Variants in STK3 observed in about 807,000 individuals in gnomAD.
STK3 encodes the protein serine/threonine kinase 3, also known as serine/threonine-protein kinase 3.
A neutral mutation model predicts 58.0 loss-of-function variants in STK3; 41 were observed. That is an observed-to-expected ratio of 0.71 (90% CI 0.55 to 0.92). The LOEUF (loss-of-function observed/expected upper bound fraction) is 0.92. Ranked by LOEUF, STK3 falls within the 40% of genes least tolerant of loss-of-function variation. STK3 has a pLI of 0.00. For synonymous variants in STK3, 170 were observed against 191.0 expected (o/e 0.89, Z 0.91); for missense variants, 479 against 602.7 (o/e 0.79, Z 2.15).
intron 8 of STK3, 110 bp from the exon 9 acceptor site, chr8:98,548,271 A>C: frequency 1.3e-6 from 1 of 755,380 alleles, no homozygotes; most frequent in Non-Finnish European, 1.8e-6. Context: ...TAAAAATACT[A>C]TTAGTACTGA....
intron 6 of STK3, among the ~76,000 whole-genome samples, chr8:98,636,647 T>C (rs923612965): frequency 6.6e-6 from 1 of 152,164 alleles, no homozygotes; most frequent in East Asian, 1.9e-4. Flanking sequence ...ACTGGCAGTG[T>C]CCTATTACAA....
chr8:98,641,687 T>C (rs930745501), intron 6 of STK3, among the ~76,000 whole-genome samples: 2 of 152,200 alleles, frequency 1.3e-5, no homozygotes, highest in Admixed American at 6.5e-5. Context: ...ATGTCCTCAA[T>C]GCAACTTATC....
At chr8:98,413,866 G>T in intron 3 of STK3, 1 of 509,242 alleles carries the variant, frequency 2.0e-6, no homozygotes, top group South Asian at 1.9e-5. Context: ...GGTGTGTCAA[G>T]AGGGAGTTTT....
At chr8:98,350,812 G>T in the STK3 span, among the ~76,000 whole-genome samples, 5 of 152,084 alleles carry the variant, frequency 3.3e-5, no homozygotes, top group African/African-American at 1.2e-4. Flanking sequence ...TCTCCCACTG[G>T]GTCCCTCCCA....
At chr8:98,412,814 G>C (rs1404914377) in intron 3 of STK3, 1 of 158,434 alleles carries the variant, frequency 6.3e-6, no homozygotes, top group Non-Finnish European at 1.4e-5. Flanking sequence ...TTACAGTTCA[G>C]GCTCTCTCTC....
At position 98,800,370 on chromosome 8, in the gene STK3, C is replaced by T. The variant is rs149024942; in HGVS notation, c.26+25145G>A. 8.6e-3 allele frequency among the ~76,000 whole-genome samples: 1,312 copies of T among 152,316 alleles called. 10 individuals carry two copies. Among genetic ancestry groups the T allele is most frequent in the African/African-American group, 0.03 (1,237 of 41,574 alleles). On this transcript the variant is annotated intron_variant, in intron 1 of 10. Transcript: ENST00000419617. The surrounding 1 kb of genome is among the most constrained non-coding windows in gnomAD (Gnocchi z 4.8). Reference sequence around the variant, plus strand: ...AGGAAGTAGTTAGAGCGGTCATCGGCCAAATTCCCAACAGCAGTTGGGGTG... The same window carrying T: ...AGGAAGTAGTTAGAGCGGTCATCGGTCAAATTCCCAACAGCAGTTGGGGTG...
At chr8:98,911,121 A>AT (rs1564099018) in intron 1 of STK3, among the ~76,000 whole-genome samples, 1 of 152,180 alleles carries the variant, frequency 6.6e-6, no homozygotes, top group Non-Finnish European at 1.5e-5. Flanking sequence ...GTCACTGTTC[A>AT]TTTTTTGTAG....
chr8:98,925,125 G>T (rs552412556), intron 1 of STK3, among the ~76,000 whole-genome samples: 1 of 152,344 alleles, frequency 6.6e-6, no homozygotes, highest in South Asian at 2.1e-4. Context: ...CAGAGTGGGT[G>T]CTTTGGGGCC....
At chr8:98,713,858 G>A (rs1257150770) in intron 4 of STK3, among the ~76,000 whole-genome samples, 1 of 152,104 alleles carries the variant, frequency 6.6e-6, no homozygotes, top group African/African-American at 2.4e-5. Flanking sequence ...TATCCCTGAT[G>A]AACATCGATG....
intron 6 of STK3, among the ~76,000 whole-genome samples, chr8:98,650,262 T>C (rs574193720): frequency 6.6e-6 from 1 of 152,356 alleles, no homozygotes; most frequent in South Asian, 2.1e-4. Flanking sequence ...ATAACGATAA[T>C]GATAATAATG....
chr8:98,561,614 T>C (rs1219286737), intron 8 of STK3, among the ~76,000 whole-genome samples: 5 of 152,028 alleles, frequency 3.3e-5, no homozygotes, highest in African/African-American at 4.8e-5. Context: ...GCTATGATCA[T>C]CCACTGCACT....
chr8:98,439,946 G>T (rs1818630723), intron 1 of STK3, among the ~76,000 whole-genome samples: 1 of 152,158 alleles, frequency 6.6e-6, no homozygotes, highest in African/African-American at 2.4e-5. Context: ...GTGAGATATT[G>T]GGCACAACAC....
intron 8 of STK3, among the ~76,000 whole-genome samples, chr8:98,550,092 T>G (rs1388996486): frequency 6.6e-6 from 1 of 150,822 alleles, no homozygotes; most frequent in African/African-American, 2.5e-5. Flanking sequence ...CCATTTTTAG[T>G]AGAAACATAT....
At chr8:98,831,533 AG>A (rs1471337700) in intron 3 of STK3, among the ~76,000 whole-genome samples, 1 of 152,248 alleles carries the variant, frequency 6.6e-6, no homozygotes, top group African/African-American at 2.4e-5. Flanking sequence ...CTGGGATTAT[AG>A]GTATGAGCCG....
chr8:98,759,772 T>C (rs903245768), intron 3 of STK3, among the ~76,000 whole-genome samples: 4 of 152,218 alleles, frequency 2.6e-5, no homozygotes, highest in Admixed American at 2.0e-4. Flanking sequence ...AGCCAGTATA[T>C]GGACTTGCAG....
At chr8:98,887,210 C>T (rs1472471797) in intron 1 of STK3, among the ~76,000 whole-genome samples, 3 of 152,152 alleles carry the variant, frequency 2.0e-5, no homozygotes, top group Non-Finnish European at 2.9e-5. Context: ...CAAAATAAGT[C>T]TGTCCGTGTT....
At chr8:98,622,955 G>A (rs940170029) in intron 6 of STK3, among the ~76,000 whole-genome samples, 5 of 152,148 alleles carry the variant, frequency 3.3e-5, no homozygotes, top group African/African-American at 1.2e-4. Context: ...TAGTAATAAT[G>A]ATTGAGCAGT....
At chr8:98,573,177 T>G (rs1813100805) in intron 8 of STK3, among the ~76,000 whole-genome samples, 1 of 152,152 alleles carries the variant, frequency 6.6e-6, no homozygotes, top group Non-Finnish European at 1.5e-5. Flanking sequence ...AGGGAAATAT[T>G]AGAAAGCTGG....
At chr8:98,391,799 A>G (rs529787279), upstream of STK3, among the ~76,000 whole-genome samples, 4 of 152,308 alleles carry the variant, frequency 2.6e-5, no homozygotes, top group African/African-American at 9.6e-5. Flanking sequence ...GGGACACAAT[A>G]GAATGGTTTT....
Sources: allele counts gnomAD v4.1 joint callset (sites outside exome capture counted in the v4.1 genomes callset), GRCh38; gene constraint gnomAD v4.1.1; non-coding constraint Gnocchi (gnomAD v3.1); transcripts MANE v1.5; gene names NCBI Gene and HGNC (gene_info 2026-07-23, HGNC 2026-07-21).